The following TTLL11 variants were observed in gnomAD, a reference collection of about 807,000 sequenced individuals.
TTLL11 encodes tubulin tyrosine ligase like 11, also known as tubulin polyglutamylase TTLL11.
TTLL11 carries 42 observed loss-of-function variants against 51.7 expected under a neutral mutation model. The ratio of observed to expected loss-of-function variants is 0.81; its 90% CI spans 0.64 to 1.05. The LOEUF (loss-of-function observed/expected upper bound fraction) is 1.05. Ranked by LOEUF, TTLL11 falls within the 50% of genes least tolerant of loss-of-function variation. TTLL11 has a pLI of 0.00. For missense variants in TTLL11, 799 were observed against 940.4 expected, an observed-to-expected ratio of 0.85 and a Z score of 1.97; for synonymous variants, 381 against 383.5, an observed-to-expected ratio of 0.99 and a Z score of 0.08.
rs537786853 is a variant in TTLL11 at position 121,996,088 on chromosome 9, C to T, written c.694-6318G>A. Among the ~76,000 whole-genome samples, 5 of 152,308 alleles carry T rather than the reference C, an allele frequency of 3.3e-5. No homozygotes were observed. In the East Asian group the frequency reaches 9.7e-4, roughly 29 times the overall value. On this transcript the variant is annotated intron_variant, in intron 3 of 8. Transcript: ENST00000321582. ...CCTGAGTTTACTGGGGCAGTGGCAT[C>T]GATTACCCCTGAGGATTTGGGGCTG...
intron 6 of TTLL11, among the ~76,000 whole-genome samples, chr9:121,887,343 G>A (rs976843300): frequency 3.3e-5 from 5 of 152,128 alleles, no homozygotes; most frequent in African/African-American, 1.2e-4. Flanking sequence ...TAGCGGTGGC[G>A]ATTTCTCTGA....
At chr9:122,075,713 T>C (rs559707315) in intron 1 of TTLL11, among the ~76,000 whole-genome samples, 1 of 152,174 alleles carries the variant, frequency 6.6e-6, no homozygotes, top group Non-Finnish European at 1.5e-5. Context: ...GTAAGTAATC[T>C]CAAGCAGAGT....
chr9:122,031,553 C>A (rs1195625760), intron 3 of TTLL11, among the ~76,000 whole-genome samples, 170 bp downstream of exon 3: 1 of 152,192 alleles, frequency 6.6e-6, no homozygotes, highest in East Asian at 1.9e-4. Flanking sequence ...CCTACTCGTT[C>A]AACTCTGCAA....
chr9:122,093,162 G>A lies in TTLL11; in HGVS notation c.-14C>T, dbSNP rs1202151746. The A allele has an allele frequency of 6.7e-7, 1 of 1,493,892 alleles. No individual in the cohort carries two copies. The highest frequency in any genetic ancestry group is 8.9e-7 in the Non-Finnish European group (1 of 1,128,778). 92.5% of individuals were successfully genotyped at this position (1,493,892 alleles called of 1,614,324 possible). On this transcript the variant is annotated 5_prime_UTR_variant, in exon 1 of 9. Transcript: ENST00000321582. ...GCCCCGCCGCATGGTGCTCAGGGCC[G>A]GGGCCAGTGCCAGTGCCACCGCCGC... is the stretch of plus-strand genomic sequence containing the variant.
At chr9:121,881,837 C>A (rs1232997091) in intron 6 of TTLL11, among the ~76,000 whole-genome samples, 2 of 152,180 alleles carry the variant, frequency 1.3e-5, no homozygotes, top group East Asian at 3.8e-4. Flanking sequence ...CTCTAACAGG[C>A]ATTAATTACC....
chr9:122,030,202 TGGG>T lies in TTLL11; in HGVS notation c.693+1518_693+1520del, dbSNP rs35688566. Among the ~76,000 whole-genome samples the T allele has an allele frequency of 1.7e-3, 136 of 78,522 alleles. 3 individuals are homozygous for T. The Middle Eastern group carries it at 0.026, about 15-fold the overall frequency. 51.5% of individuals were successfully genotyped at this position (78,522 alleles called of 152,430 possible). A position where few individuals can be genotyped will look rare whatever the true frequency, so the allele number is the denominator to read the frequency against. On this transcript the variant is annotated intron_variant, in intron 3 of 8. Transcript: ENST00000321582. The stretch of plus-strand genomic sequence containing the variant: ...GAGCAGAGCCACAGAAGAGAGACAT[TGGG>T]GGGGGGGGGGTAATTATGAGGAACA...
At chr9:122,062,774 T>C (rs1845471297) in intron 1 of TTLL11, among the ~76,000 whole-genome samples, 1 of 151,912 alleles carries the variant, frequency 6.6e-6, no homozygotes, top group Non-Finnish European at 1.5e-5. Flanking sequence ...TTTCTAGATA[T>C]TAACTTTCCC....
intron 3 of TTLL11, among the ~76,000 whole-genome samples, chr9:122,028,593 T>C (rs1844425081): frequency 6.6e-6 from 1 of 152,140 alleles, no homozygotes; most frequent in African/African-American, 2.4e-5. Context: ...AGCTGGAAAT[T>C]TCAACACTAA....
intron 4 of TTLL11, among the ~76,000 whole-genome samples, chr9:121,982,250 T>G (rs922838394): frequency 1.3e-5 from 2 of 152,186 alleles, no homozygotes; most frequent in African/African-American, 4.8e-5. Context: ...GAGATCACAG[T>G]GCTGAGCTAT....
chr9:121,912,741 T>C (rs1213887521), intron 6 of TTLL11, among the ~76,000 whole-genome samples: 1 of 151,490 alleles, frequency 6.6e-6, no homozygotes, highest in Non-Finnish European at 1.5e-5. Context: ...AACACATACA[T>C]GATATCAAGA....
intron 2 of TTLL11, among the ~76,000 whole-genome samples, chr9:122,036,776 G>A (rs762875370): frequency 6.6e-6 from 1 of 152,118 alleles, no homozygotes; most frequent in Non-Finnish European, 1.5e-5. Context: ...CAGAAGATAA[G>A]CTTGGACACA....
At chr9:121,847,271 T>C (rs1419480297) in intron 8 of TTLL11, among the ~76,000 whole-genome samples, 8 of 141,182 alleles carry the variant, frequency 5.7e-5, no homozygotes, top group African/African-American at 2.1e-4. Flanking sequence ...AAGAAAGCAA[T>C]AGAGAAAATC....
intron 6 of TTLL11, among the ~76,000 whole-genome samples, chr9:121,971,078 GC>G (rs1842539533): frequency 7.5e-6 from 1 of 133,040 alleles, no homozygotes; most frequent in African/African-American, 2.9e-5. Flanking sequence ...GGGGGGGTCA[GC>G]CCCCCGCCCG....
chr9:121,826,172 ATAAC>A (rs1836745514), intron 8 of TTLL11, among the ~76,000 whole-genome samples: 2 of 99,914 alleles, frequency 2.0e-5, no homozygotes, highest in Non-Finnish European at 3.9e-5. Flanking sequence ...ATATATATAT[ATAAC>A]CAGTAACCTA....
At chr9:121,977,633 T>C (rs1842740755) in intron 4 of TTLL11, among the ~76,000 whole-genome samples, 1 of 152,116 alleles carries the variant, frequency 6.6e-6, no homozygotes, top group Admixed American at 6.6e-5. Context: ...CTTACTTACC[T>C]TAGTTCATCC....
intron 3 of TTLL11, among the ~76,000 whole-genome samples, chr9:122,018,503 A>G (rs944452517): frequency 3.9e-5 from 6 of 152,228 alleles, no homozygotes; most frequent in Middle Eastern, 6.3e-3. Context: ...TTGCTTCAGA[A>G]GCAGGAGACA....
chr9:122,075,877 G>A (rs1179231926), intron 1 of TTLL11, among the ~76,000 whole-genome samples: 2 of 152,116 alleles, frequency 1.3e-5, no homozygotes, highest in Non-Finnish European at 2.9e-5. Context: ...ACAGGCATGA[G>A]TTCACTGCCT....
intron 6 of TTLL11, among the ~76,000 whole-genome samples, chr9:121,893,938 C>T (rs1324918690): frequency 6.6e-6 from 1 of 152,182 alleles, no homozygotes; most frequent in African/African-American, 2.4e-5. Context: ...ATCTGAAGAG[C>T]AGCTGCAGGA....
intron 2 of TTLL11, 151 bp downstream of exon 2, chr9:122,039,121 C>T (rs1844775568): frequency 1.6e-6 from 1 of 623,766 alleles, no homozygotes; most frequent in Non-Finnish European, 2.7e-6. Flanking sequence ...TGTCTCCAAT[C>T]CTTAAAACCT....
Sources: allele counts gnomAD v4.1 joint callset (sites outside exome capture counted in the v4.1 genomes callset), GRCh38; gene constraint gnomAD v4.1.1; transcripts MANE v1.5; gene names NCBI Gene and HGNC (gene_info 2026-07-23, HGNC 2026-07-21).